The following ERBB4 variants were observed in gnomAD, a reference collection of about 807,000 sequenced individuals.
ERBB4 encodes receptor tyrosine-protein kinase erbB-4.
ERBB4 carries 42 observed loss-of-function variants against 158.0 expected under a neutral mutation model. The ratio of observed to expected loss-of-function variants is 0.27; its 90% confidence interval spans 0.21 to 0.34. ERBB4 has a LOEUF of 0.34. ERBB4 is among the 10% of genes least tolerant of loss of function. The pLI is 1.00. For missense variants in ERBB4, 1,333 were observed against 1,624.1 expected (o/e 0.82, Z 3.08); for synonymous variants, 583 against 558.7 (o/e 1.04, Z -0.61).
intron 19 of ERBB4, among the ~76,000 whole-genome samples, 181 bp from the exon 20 acceptor site, chr2:211,562,269 TTAAA>T (rs1236059769): frequency 1.3e-5 from 2 of 152,192 alleles, no homozygotes; most frequent in African/African-American, 4.8e-5. Context: ...TTCAATAAAA[TTAAA>T]TAAACAACAA....
chr2:211,819,630 C>A (rs1487601613), intron 3 of ERBB4, among the ~76,000 whole-genome samples: 4 of 151,880 alleles, frequency 2.6e-5, no homozygotes, highest in Non-Finnish European at 5.9e-5. Context: ...GAGGCAGGGG[C>A]ACTTTCACAA....
intron 3 of ERBB4, among the ~76,000 whole-genome samples, chr2:211,792,844 G>A (rs1215235411): frequency 6.6e-6 from 1 of 151,848 alleles, no homozygotes; most frequent in Non-Finnish European, 1.5e-5. Context: ...AAATGTTTGT[G>A]TTATTTAAAT....
At position 212,538,651 on chromosome 2, in the gene ERBB4, G is replaced by A. The variant is rs1693251446; in HGVS notation, c.-121C>T. The A allele has an allele frequency of 4.4e-5, 44 of 1,011,492 alleles. 1 individual carries two copies. In the South Asian group the frequency reaches 5.5e-4, roughly 13 times the overall value. The allele number at this position is 1,011,492 out of a possible 1,614,324, so 62.7% of individuals were successfully genotyped here. A position where few individuals can be genotyped will look rare whatever the true frequency, so the allele number is the denominator to read the frequency against. ...GTGGGGGTGCGAGGGGGGCGGGCGC[G>A]GCGCGCGCGGTGTGGCGACTCCCAG... On this transcript the variant is annotated 5_prime_UTR_variant, in exon 1 of 28. Coordinates refer to ENST00000342788, the MANE Select transcript of ERBB4 (RefSeq NM_005235.3).
At chr2:212,346,282 C>A (rs542676834) in intron 1 of ERBB4, among the ~76,000 whole-genome samples, 1 of 145,846 alleles carries the variant, frequency 6.9e-6, no homozygotes, top group South Asian at 2.2e-4. Flanking sequence ...GTATTTGATA[C>A]CTATTTTTAT....
chr2:212,156,213 G>A (rs762665169), intron 1 of ERBB4, among the ~76,000 whole-genome samples: 5 of 152,088 alleles, frequency 3.3e-5, no homozygotes, highest in Non-Finnish European at 5.9e-5. Flanking sequence ...ATATATGTGG[G>A]AGCGTAAAGA....
At chr2:212,528,544 T>C (rs1349522583) in intron 1 of ERBB4, among the ~76,000 whole-genome samples, 2 of 152,218 alleles carry the variant, frequency 1.3e-5, no homozygotes, top group African/African-American at 4.8e-5. Flanking sequence ...AAGTTTCTAA[T>C]ATCTCCATTC....
intron 20 of ERBB4, among the ~76,000 whole-genome samples, chr2:211,533,152 T>C (rs1015344099): frequency 9.2e-5 from 14 of 151,918 alleles, no homozygotes. Context: ...GATTTTTCCA[T>C]TCAGTAATAT....
intron 20 of ERBB4, among the ~76,000 whole-genome samples, chr2:211,550,606 T>A: frequency 6.9e-6 from 1 of 144,730 alleles, no homozygotes; most frequent in Non-Finnish European, 1.5e-5. Context: ...AATATATAGA[T>A]ATCTATCTCT....
intron 2 of ERBB4, among the ~76,000 whole-genome samples, chr2:211,985,448 T>C (rs1447377128): frequency 1.3e-5 from 2 of 152,188 alleles, no homozygotes; most frequent in African/African-American, 4.8e-5. Flanking sequence ...TAAGATTGCT[T>C]TCTAGAACAA....
At position 212,319,356 on chromosome 2, in the gene ERBB4, GT is replaced by G. The variant is rs1405227562; in HGVS notation, c.83-194454del. Among the ~76,000 whole-genome samples, 3 of 147,774 alleles carry G rather than the reference GT, an allele frequency of 2.0e-5. 1 individual carries two copies. Among genetic ancestry groups the G allele is most frequent in the Non-Finnish European group, 4.6e-5 (3 of 65,350 alleles). ...CACTTTTCCTGGGTTTAGTTTAACT[GT>G]TCTGGTTTGTTTGTTGTTTTTTATG... On this transcript the variant is annotated intron_variant, in intron 1 of 27. Transcript: ENST00000342788.
intron 1 of ERBB4, among the ~76,000 whole-genome samples, chr2:212,317,908 A>G (rs2106255942): frequency 6.6e-6 from 1 of 151,768 alleles, no homozygotes; most frequent in East Asian, 2.0e-4. Flanking sequence ...TCACTTTAAA[A>G]CAATGCTCAA....
At chr2:211,630,024 A>C (rs2070041673) in intron 17 of ERBB4, among the ~76,000 whole-genome samples, 1 of 152,252 alleles carries the variant, frequency 6.6e-6, no homozygotes, top group Non-Finnish European at 1.5e-5. Flanking sequence ...AAGCAATGGC[A>C]ACCAAAGCCA....
chr2:211,387,989 C>T lies in ERBB4; in HGVS notation c.3139G>A (p.Glu1047Lys). The T allele has an allele frequency of 6.2e-7, 1 of 1,600,230 alleles. No homozygotes were observed. Among genetic ancestry groups the T allele is most frequent in the South Asian group, 1.1e-5 (1 of 90,764 alleles). Residue 1047 changes from glutamate (E) to lysine (K), a missense_variant, in exon 26 of 28, where the codon GAA becomes AAA. Around this residue, in one of 5 missense-constraint regions of ERBB4, gnomAD observed 252 missense variants for 241.3 expected, o/e 1.04. Coordinates refer to ENST00000342788, the MANE Select transcript of ERBB4 (RefSeq NM_005235.3). ...GCAGGAGGAGGGCTGTGTCCAATTTCACTCTAATAGGAAAGAAAAATGGAA... is the reference window on the plus strand; with the variant it reads ...GCAGGAGGAGGGCTGTGTCCAATTTTACTCTAATAGGAAAGAAAAATGGAA... ...SRARIDSNRSEIGHSPPPAYT... is the reference protein window; with the variant it reads ...SRARIDSNRSKIGHSPPPAYT...
intron 1 of ERBB4, among the ~76,000 whole-genome samples, chr2:212,270,555 T>A (rs573377281): frequency 1.5e-4 from 23 of 151,914 alleles, no homozygotes; most frequent in African/African-American, 4.8e-4. Flanking sequence ...TATTTGAATC[T>A]GGGCTGCACC....
intron 1 of ERBB4, among the ~76,000 whole-genome samples, chr2:212,206,400 A>G (rs935607069): frequency 3.3e-5 from 5 of 152,118 alleles, no homozygotes; most frequent in African/African-American, 1.2e-4. Flanking sequence ...GTTGGTTACA[A>G]TCGCATGGGA....
intron 2 of ERBB4, among the ~76,000 whole-genome samples, chr2:212,120,431 A>G (rs1333792904): frequency 6.6e-6 from 1 of 152,204 alleles, no homozygotes; most frequent in Non-Finnish European, 1.5e-5. Flanking sequence ...TGGGGTCTAT[A>G]ATTTAAGACA....
rs2076485072 is a variant in ERBB4 at position 212,015,044 on chromosome 2, ATAT to A, written c.235-67431_235-67429del. On this transcript the variant is annotated intron_variant, in intron 2 of 27. Transcript: ENST00000342788. ...CGTCTCTACTAAAAAAAAAAAAAATATATATATATATATATATATATATATATA... is the reference window on the plus strand; with the variant it reads ...CGTCTCTACTAAAAAAAAAAAAAATAATATATATATATATATATATATATA... Among the ~76,000 whole-genome samples the A allele has an allele frequency of 7.3e-4, 3 of 4,116 alleles. 1 individual carries two copies. Among genetic ancestry groups the A allele is most frequent in the Admixed American group, 3.3e-3 (1 of 302 alleles). 2.7% of individuals were successfully genotyped at this position (4,116 alleles called of 152,430 possible).
chr2:212,488,910 C>T (rs750648869), intron 1 of ERBB4, among the ~76,000 whole-genome samples: 4 of 149,552 alleles, frequency 2.7e-5, no homozygotes. Flanking sequence ...GAGGATCTAA[C>T]TGGTCAGCAA....
At chr2:211,660,714 G>C (rs1257084832) in intron 15 of ERBB4, among the ~76,000 whole-genome samples, 2 of 152,226 alleles carry the variant, frequency 1.3e-5, no homozygotes, top group Non-Finnish European at 2.9e-5. Context: ...AACCATGTAA[G>C]TGAATAGATG....
Sources: allele counts gnomAD v4.1 joint callset (sites outside exome capture counted in the v4.1 genomes callset), GRCh38; gene constraint gnomAD v4.1.1; regional missense constraint gnomAD v4.1.1; transcripts MANE v1.5; gene names NCBI Gene and HGNC (gene_info 2026-07-23, HGNC 2026-07-21).